Variants in BBS4 observed in about 807,000 individuals in gnomAD.
BBS4 encodes Bardet-Biedl syndrome 4.
In BBS4, 58 loss-of-function variants were observed where a neutral mutation model predicts 71.4. That is an observed-to-expected ratio of 0.81 (90% confidence interval 0.66 to 1.01). The LOEUF (loss-of-function observed/expected upper bound fraction) is 1.01. Among genes scored for constraint, BBS4 ranks in the 50% least tolerant of loss-of-function variants. BBS4 has a pLI of 0.00. For missense variants in BBS4, 660 were observed against 607.9 expected (o/e 1.09, Z -0.90); for synonymous variants, 228 against 216.8 (o/e 1.05, Z -0.46).
chr15:72,694,561 G>A (rs2065042621), intron 1 of BBS4, among the ~76,000 whole-genome samples: 1 of 152,120 alleles, frequency 6.6e-6, no homozygotes, highest in African/African-American at 2.4e-5. Flanking sequence ...ATCTAAGTAT[G>A]TATTTATTTT....
At chr15:72,729,503 G>A (rs2065769272) in intron 9 of BBS4, 113 bp from the exon 10 acceptor site, 2 of 944,920 alleles carry the variant, frequency 2.1e-6, no homozygotes, top group Admixed American at 1.7e-5. Flanking sequence ...ACCCACCTTA[G>A]CCTCCCAAAG....
intron 5 of BBS4, among the ~76,000 whole-genome samples, chr15:72,715,822 A>G (rs1388018530): frequency 6.6e-6 from 1 of 152,180 alleles, no homozygotes; most frequent in African/African-American, 2.4e-5. Flanking sequence ...TAATTTTTCA[A>G]CTTTACAATG....
chr15:72,726,392 G>A (rs1248509990), intron 8 of BBS4, among the ~76,000 whole-genome samples: 6 of 149,800 alleles, frequency 4.0e-5, no homozygotes, highest in East Asian at 4.0e-4. Flanking sequence ...GATTGCAGGC[G>A]TGAACCACTG....
intron 2 of BBS4, among the ~76,000 whole-genome samples, chr15:72,704,972 C>T (rs904691931): frequency 6.6e-6 from 1 of 152,068 alleles, no homozygotes; most frequent in Non-Finnish European, 1.5e-5. Flanking sequence ...TACTATGTAC[C>T]AGGCACTATT....
intron 9 of BBS4, among the ~76,000 whole-genome samples, chr15:72,728,309 G>T (rs2065741485): frequency 6.6e-6 from 1 of 152,026 alleles, no homozygotes; most frequent in South Asian, 2.1e-4. Flanking sequence ...ACCAGCCTGG[G>T]TAACATAGTG....
chr15:72,698,235 T>C (rs1295202934), intron 2 of BBS4, among the ~76,000 whole-genome samples: 1 of 152,190 alleles, frequency 6.6e-6, no homozygotes, highest in Non-Finnish European at 1.5e-5. Flanking sequence ...TAATTTATTA[T>C]TGTAAAATAT....
At chr15:72,688,411 CT>C (rs58644289) in intron 1 of BBS4, among the ~76,000 whole-genome samples, 43 of 83,054 alleles carry the variant, frequency 5.2e-4, no homozygotes, top group African/African-American at 1.6e-3. Context: ...GGTATTTTAT[CT>C]TTTTTTTTTT....
chr15:72,717,862 G>T (rs1405163523), intron 6 of BBS4, among the ~76,000 whole-genome samples: 1 of 520 alleles, frequency 1.9e-3, no homozygotes, highest in Admixed American at 0.071. Context: ...TGTGTGGTGC[G>T]GGGGGGTACA....
At chr15:72,731,246 C>A in intron 10 of BBS4, 59 bp from the exon 11 acceptor site, 1 of 1,608,742 alleles carries the variant, frequency 6.2e-7, no homozygotes, top group East Asian at 2.2e-5. Flanking sequence ...AGGAAAGCTG[C>A]CCCACTGCTA....
Position 72,722,815 on chromosome 15 carries a change from G to GT in BBS4, c.430dup (p.Cys144LeufsTer22). ...CTAGGAGATCAGCCATAACCTAGGA[G>GT]TTTGCTACATATACCTGAAGCAGTT... On this transcript the variant is annotated frameshift_variant, in exon 7 of 16. Coordinates refer to ENST00000268057, the MANE Select transcript of BBS4 (RefSeq NM_033028.5). LOFTEE classifies it high-confidence loss of function. 6.2e-7 allele frequency: 1 copy of GT among 1,613,940 alleles called. No homozygotes were observed. The highest frequency in any genetic ancestry group is 8.5e-7 in the Non-Finnish European group (1 of 1,179,932).
chr15:72,735,987 C>A, intron 14 of BBS4, 21 bp downstream of exon 14: 1 of 1,613,732 alleles, frequency 6.2e-7, no homozygotes, highest in South Asian at 1.1e-5. Flanking sequence ...TATTAGCTCC[C>A]AAGAGTCATA....
At chr15:72,730,623 A>G (rs1014135552) in intron 10 of BBS4, among the ~76,000 whole-genome samples, 7 of 152,222 alleles carry the variant, frequency 4.6e-5, no homozygotes, top group Non-Finnish European at 8.8e-5. Context: ...AATGACTTCT[A>G]GAGTCCTAAT....
At position 72,735,168 on chromosome 15, in the gene BBS4, A is replaced by G. The variant is rs1001852818; in HGVS notation, c.1092A>G (p.Ala364=). Residue 364 remains alanine (A), a synonymous_variant, in exon 13 of 16, where the codon GCA becomes GCG. Coordinates refer to ENST00000268057, the MANE Select transcript of BBS4 (RefSeq NM_033028.5). ...ATGCCAAGAGAGCCTACGCAGAAGC[A>G]GTCCACCTGGATAAGTATGCACTTT... ...IENAKRAYAE[A]VHLDKCNPLV... The G allele has an allele frequency of 2.5e-6, 4 of 1,613,562 alleles. No homozygotes were observed. In the African/African-American group the frequency reaches 5.3e-5, roughly 22 times the overall value.
At chr15:72,727,007 T>C (rs955912174) in intron 8 of BBS4, among the ~76,000 whole-genome samples, 7 of 152,172 alleles carry the variant, frequency 4.6e-5, no homozygotes, top group Admixed American at 4.6e-4. Flanking sequence ...GAAGCCAATA[T>C]TGCTAGAATT....
chr15:72,716,311 C>T (rs535314280), intron 5 of BBS4, among the ~76,000 whole-genome samples: 1 of 152,264 alleles, frequency 6.6e-6, no homozygotes, highest in Middle Eastern at 3.4e-3. Context: ...AGCCACATTG[C>T]CATTCATACC....
At chr15:72,704,542 A>T (rs2065229798) in intron 2 of BBS4, 5 of 961,274 alleles carry the variant, frequency 5.2e-6, no homozygotes, top group Admixed American at 2.4e-5. Context: ...GGTATCCAGA[A>T]TTCCTTCATC....
rs1348257051 is a variant in BBS4, at chr15:72,737,560, A to C, written c.1533A>C (p.Glu511Asp). ...PEPAVESSPTETSEQIREK is the reference protein window; with the variant it reads ...PEPAVESSPTDTSEQIREK ...CTGCGGTGGAATCAAGTCCAACTGA[A>C]ACATCAGAACAAATAAGAGAGAAAT... The change falls in exon 16 of 16, where the codon GAA becomes GAC. Residue 511 changes from glutamate (E) to aspartate (D), a missense_variant. Transcript: ENST00000268057. The C allele has an allele frequency of 6.2e-7, 1 of 1,610,788 alleles. No homozygotes were observed. Among genetic ancestry groups the C allele is most frequent in the Non-Finnish European group, 8.5e-7 (1 of 1,178,594 alleles).
rs11399142 is a variant in BBS4, at chr15:72,687,603, C to CAA, written c.24+1360_24+1361dup. On this transcript the variant is annotated intron_variant, in intron 1 of 15. Coordinates refer to ENST00000268057, the MANE Select transcript of BBS4 (RefSeq NM_033028.5). ...TGAGCGACAGAGACAGACTCCTTCTCAAAAAAAAAGAAAGAAAAAACAGAT... is the reference window on the plus strand; with the variant it reads ...TGAGCGACAGAGACAGACTCCTTCTCAAAAAAAAAAAGAAAGAAAAAACAGAT... Among the ~76,000 whole-genome samples the CAA allele has an allele frequency of 2.7e-3, 391 of 147,334 alleles. 11 individuals are homozygous for CAA. In the East Asian group the frequency reaches 0.056, roughly 21 times the overall value.
At position 72,736,841 on chromosome 15, in the gene BBS4, C is replaced by T. The variant is rs1182140683; in HGVS notation, c.1328C>T (p.Pro443Leu). 2 of 1,614,118 alleles carry T rather than the reference C, an allele frequency of 1.2e-6. No homozygotes were observed. Among genetic ancestry groups the T allele is most frequent in the African/African-American group, 1.3e-5 (1 of 75,016 alleles). ...ALVWTKPVKD[P>L]KSKHQTTSTS... ...GTCTGGACCAAACCAGTTAAAGATC[C>T]CAAATCAAAGCACCAGACCACTTCA... is the stretch of plus-strand genomic sequence containing the variant. Residue 443 changes from proline to leucine, a missense_variant, in exon 15 of 16, where the codon CCC (proline) becomes CTC (leucine). Physicochemically the swap from Pro to Leu is moderately conservative, Grantham distance 98. Transcript: ENST00000268057.
Sources: allele counts gnomAD v4.1 joint callset (sites outside exome capture counted in the v4.1 genomes callset), GRCh38; gene constraint gnomAD v4.1.1; transcripts MANE v1.5; gene names NCBI Gene and HGNC (gene_info 2026-07-23, HGNC 2026-07-21).